The following SP6 variants were observed in gnomAD, a reference collection of about 807,000 sequenced individuals.
The protein encoded by SP6 is Sp6 transcription factor.
In SP6, 10 loss-of-function variants were observed where a neutral mutation model predicts 23.4. That is an observed-to-expected ratio of 0.43 (90% CI 0.26 to 0.72). The LOEUF (loss-of-function observed/expected upper bound fraction) is 0.72. Among genes scored for constraint, SP6 ranks in the 30% least tolerant of loss-of-function variants. The pLI, the probability that SP6 is intolerant of heterozygous loss-of-function variation, is 0.23. For missense variants in SP6, 482 were observed against 523.8 expected (o/e 0.92, Z 0.78); for synonymous variants, 238 against 238.7 (o/e 1.00, Z 0.03).
chr17:47,845,047 A>T lies in SP6; in HGVS notation c.*2252T>A, dbSNP rs1035864808. On this transcript the variant is annotated 3_prime_UTR_variant, in exon 2 of 2. Coordinates refer to ENST00000536300, the MANE Select transcript of SP6 (RefSeq NM_001258248.2). Reference sequence around the variant, plus strand: ...CTCTAGGGGGACTGCCTAGAAAGACAGGCAGCCAAGCAGCCTAGATCTATA... The same window carrying T: ...CTCTAGGGGGACTGCCTAGAAAGACTGGCAGCCAAGCAGCCTAGATCTATA... The T allele has an allele frequency of 1.3e-5, 2 of 152,506 alleles. No homozygotes were observed. The highest frequency in any genetic ancestry group is 4.8e-5 in the African/African-American group (2 of 41,458). 9.4% of individuals were successfully genotyped at this position (152,506 alleles called of 1,614,324 possible). A position where few individuals can be genotyped will look rare whatever the true frequency, so the allele number is the denominator to read the frequency against.
the SP6 span, among the ~76,000 whole-genome samples, chr17:47,871,276 T>C: frequency 9.5e-4 from 144 of 152,360 alleles, no homozygotes; most frequent in African/African-American, 3.4e-3. Context: ...TCATCATTTA[T>C]TGAGCACCTA....
the SP6 span, among the ~76,000 whole-genome samples, chr17:47,869,030 C>T: frequency 6.6e-6 from 1 of 152,226 alleles, no homozygotes; most frequent in African/African-American, 2.4e-5. Context: ...GGGAGGCAGA[C>T]CCCAGGGGCG....
chr17:47,873,766 C>A, the SP6 span, among the ~76,000 whole-genome samples: 1 of 152,086 alleles, frequency 6.6e-6, no homozygotes, highest in African/African-American at 2.4e-5. Context: ...GGATGAACCC[C>A]AGCCATTGGC....
chr17:47,852,208 T>C (rs1459756485), upstream of SP6, among the ~76,000 whole-genome samples: 1 of 152,050 alleles, frequency 6.6e-6, no homozygotes, highest in Non-Finnish European at 1.5e-5. Context: ...TTGAGAAAAA[T>C]TCACATGCCC....
At chr17:47,851,376 AGG>A (rs1340046260), upstream of SP6, among the ~76,000 whole-genome samples, 1 of 151,946 alleles carries the variant, frequency 6.6e-6, no homozygotes, top group African/African-American at 2.4e-5. Context: ...TCCCAGGGAG[AGG>A]GGCCCGGGTG....
chr17:47,868,080 C>T, the SP6 span, among the ~76,000 whole-genome samples: 3 of 152,266 alleles, frequency 2.0e-5, no homozygotes, highest in African/African-American at 7.2e-5. Context: ...AGAGGTTCAT[C>T]CAGACCCCAG....
the SP6 span, among the ~76,000 whole-genome samples, chr17:47,873,566 A>T: frequency 1.3e-5 from 2 of 152,046 alleles, no homozygotes; most frequent in Non-Finnish European, 2.9e-5. Flanking sequence ...ATCTTGAGAG[A>T]GTTACTTATC....
chr17:47,852,539 G>A (rs568809905), upstream of SP6, among the ~76,000 whole-genome samples: 35 of 151,832 alleles, frequency 2.3e-4, no homozygotes, highest in Non-Finnish European at 4.0e-4. Context: ...CTTTACAGTC[G>A]ATTTCATACT....
chr17:47,847,876 G>A lies in SP6; in HGVS notation c.554C>T (p.Pro185Leu). 2 of 1,541,834 alleles carry A rather than the reference G, an allele frequency of 1.3e-6. No homozygotes were observed. Among genetic ancestry groups the A allele is most frequent in the Non-Finnish European group, 1.7e-6 (2 of 1,144,130 alleles). ...TTCCAAGGCCTTAGCCCCGTCGGGC[G>A]GCCCTAGGAGATGCTGCCCTCCGGC... is the stretch of plus-strand genomic sequence containing the variant. ...PAAGGQHLLGPPDGAKALEVA... is the reference protein window; with the variant it reads ...PAAGGQHLLGLPDGAKALEVA... The change falls in exon 2 of 2, where the codon CCG becomes CTG. Residue 185 changes from proline to leucine, a missense_variant. Physicochemically the swap from Pro to Leu is moderately conservative, Grantham distance 98. Around this residue, in one of 3 missense-constraint regions of SP6, gnomAD observed 330 missense variants for 332.3 expected, o/e 0.99. Transcript: ENST00000536300.
upstream of SP6, among the ~76,000 whole-genome samples, chr17:47,857,602 C>A (rs566107920): frequency 1.3e-5 from 2 of 152,228 alleles, no homozygotes; most frequent in African/African-American, 4.8e-5. Context: ...TGTGTTTAGA[C>A]CCTGCCTGGA....
chr17:47,866,947 G>A, the SP6 span, among the ~76,000 whole-genome samples: 65 of 151,974 alleles, frequency 4.3e-4, no homozygotes, highest in African/African-American at 1.5e-3. Flanking sequence ...GGAGAGGATC[G>A]TGTCCAGGCG....
upstream of SP6, among the ~76,000 whole-genome samples, chr17:47,854,254 G>A (rs550745777): frequency 4.6e-5 from 7 of 152,276 alleles, no homozygotes; most frequent in South Asian, 2.1e-4. Flanking sequence ...TATCACAAAC[G>A]GCATTTATTT....
In SP6 at chr17:47,848,338, G is replaced by A. The variant is rs1030633117; in HGVS notation, c.92C>T (p.Thr31Ile). ...PPRLDLQPLQ[T>I]YQGHTSPEAG... ...CTCAGGGCTCGTGTGGCCCTGGTAA[G>A]TTTGGAGAGGCTGCAGGTCGAGGCG... The change falls in exon 2 of 2, where the codon ACT becomes ATT. Residue 31 changes from threonine to isoleucine, a missense_variant. By Grantham distance (89) the Thr-to-Ile change is moderately conservative. This residue lies in a region of SP6 where 330 missense variants were observed against 332.3 expected (regional missense o/e 0.99). Coordinates refer to ENST00000536300, the MANE Select transcript of SP6 (RefSeq NM_001258248.2). This position sits in a 1 kb window ranked among gnomAD's most constrained non-coding sequence, Gnocchi z 5.3. 1 of 1,607,938 alleles carries A rather than the reference G, an allele frequency of 6.2e-7. No individual in the cohort carries two copies. Among genetic ancestry groups the A allele is most frequent in the Admixed American group, 1.7e-5 (1 of 59,370 alleles).
At chr17:47,870,294 C>T in the SP6 span, among the ~76,000 whole-genome samples, 1 of 152,162 alleles carries the variant, frequency 6.6e-6, no homozygotes, top group Non-Finnish European at 1.5e-5. Context: ...AGGGTCCTAC[C>T]CTCTCCACCT....
At chr17:47,853,063 G>A (rs886838934), upstream of SP6, among the ~76,000 whole-genome samples, 12 of 152,314 alleles carry the variant, frequency 7.9e-5, no homozygotes, top group South Asian at 8.3e-4. Context: ...ACCCTGGCAG[G>A]TCAGGTGCCT....
chr17:47,876,172 G>A, the SP6 span, among the ~76,000 whole-genome samples: 1 of 152,194 alleles, frequency 6.6e-6, no homozygotes, highest in African/African-American at 2.4e-5. Flanking sequence ...TAGATTCGAG[G>A]TGGTTGAAGA....
the SP6 span, among the ~76,000 whole-genome samples, chr17:47,868,102 A>C: frequency 6.6e-6 from 1 of 151,992 alleles, no homozygotes. Context: ...GCAGGCATAC[A>C]CTGTGGCCGC....
chr17:47,871,527 C>A, the SP6 span, among the ~76,000 whole-genome samples: 1 of 152,124 alleles, frequency 6.6e-6, no homozygotes, highest in Non-Finnish European at 1.5e-5. Context: ...GTGAAAACCT[C>A]TCCATTTCTC....
rs2033882704 is a variant in SP6, at chr17:47,846,126, A to G, written c.*1173T>C. On this transcript the variant is annotated 3_prime_UTR_variant, in exon 2 of 2. Transcript: ENST00000536300. Reference sequence around the variant, plus strand: ...TCTTTCCTCTCCCTTCCCCTGTGAGATGAGGGGGAGGAAGGAATCCCCTAA... The same window carrying G: ...TCTTTCCTCTCCCTTCCCCTGTGAGGTGAGGGGGAGGAAGGAATCCCCTAA... 1.3e-5 allele frequency: 2 copies of G among 152,206 alleles called. No individual in the cohort carries two copies. The allele number at this position is 152,206 out of a possible 1,614,324, so 9.4% of individuals were successfully genotyped here. A position where few individuals can be genotyped will look rare whatever the true frequency, so the allele number is the denominator to read the frequency against.
Sources: gnomAD v4.1 joint callset for allele counts (sites outside exome capture counted in the v4.1 genomes callset) on GRCh38, gnomAD v4.1.1 for gene constraint, gnomAD v4.1.1 regional missense constraint, Gnocchi (gnomAD v3.1) non-coding constraint, MANE v1.5 for transcripts, NCBI Gene and HGNC (gene_info 2026-07-23, HGNC 2026-07-21) for gene names.